The following BLTP1 variants were observed in gnomAD, a reference collection of about 807,000 sequenced individuals.
BLTP1 encodes the protein bridge-like lipid transfer protein family member 1.
chr4:122,234,712 T>C, the BLTP1 span: 1 of 1,521,670 alleles, frequency 6.6e-7, no homozygotes, highest in Middle Eastern at 1.8e-4. Flanking sequence ...CAAAAAGTTT[T>C]TCATTTCTTA....
the BLTP1 span, chr4:122,289,141 G>T: frequency 6.2e-7 from 1 of 1,610,634 alleles, no homozygotes; most frequent in African/African-American, 1.3e-5. Context: ...CTTGGTATTT[G>T]TACAGAAAGT....
At chr4:122,341,055 G>C in the BLTP1 span, among the ~76,000 whole-genome samples, 1 of 151,972 alleles carries the variant, frequency 6.6e-6, no homozygotes. Flanking sequence ...ATGGCTATAA[G>C]ATATTCCATT....
the BLTP1 span, chr4:122,359,846 C>G: frequency 7.2e-7 from 1 of 1,398,016 alleles, no homozygotes; most frequent in Non-Finnish European, 9.2e-7. Flanking sequence ...CCTGTAATGT[C>G]TATAGCTTCT....
chr4:122,252,831 C>T, the BLTP1 span, among the ~76,000 whole-genome samples: 1 of 152,194 alleles, frequency 6.6e-6, no homozygotes, highest in Non-Finnish European at 1.5e-5. Flanking sequence ...GTAGTGGTTA[C>T]AGGGGGCCCT....
At chr4:122,190,262 A>G in the BLTP1 span, 12 of 569,754 alleles carry the variant, frequency 2.1e-5, no homozygotes, top group Non-Finnish European at 2.4e-5. Flanking sequence ...ATGCCTGACT[A>G]ATTTTTAAAG....
At chr4:122,262,220 A>C in the BLTP1 span, among the ~76,000 whole-genome samples, 3 of 145,258 alleles carry the variant, frequency 2.1e-5, no homozygotes, top group Non-Finnish European at 3.0e-5. Context: ...ATTTTGTGTA[A>C]GGGATATTGT....
chr4:122,237,853 C>T, the BLTP1 span, among the ~76,000 whole-genome samples: 4 of 151,514 alleles, frequency 2.6e-5, no homozygotes, highest in South Asian at 2.1e-4. Context: ...TGTGGTGGTG[C>T]GTGCCTGTAG....
At chr4:122,196,396 G>A in the BLTP1 span, among the ~76,000 whole-genome samples, 251 of 152,216 alleles carry the variant, frequency 1.6e-3, 2 homozygotes, top group Middle Eastern at 6.8e-3. Context: ...AGAGTCTTTA[G>A]TTTGTCGTAG....
chr4:122,313,843 C>T, the BLTP1 span, among the ~76,000 whole-genome samples: 1 of 148,586 alleles, frequency 6.7e-6, no homozygotes, highest in Admixed American at 6.7e-5. Context: ...AATTATTAAT[C>T]AGACACCTAC....
the BLTP1 span, among the ~76,000 whole-genome samples, chr4:122,166,931 G>T: frequency 1.3e-5 from 2 of 152,082 alleles, no homozygotes; most frequent in African/African-American, 2.4e-5. Flanking sequence ...TCTTTAAGCT[G>T]GCTTCTGTGT....
At chr4:122,242,952 T>G in the BLTP1 span, 1 of 1,145,936 alleles carries the variant, frequency 8.7e-7, no homozygotes, top group South Asian at 1.3e-5. Flanking sequence ...ATCATAAAAT[T>G]AGGGAAATAT....
the BLTP1 span, chr4:122,279,740 G>T: frequency 6.3e-7 from 1 of 1,581,262 alleles, no homozygotes. Flanking sequence ...TTGGCTGTTG[G>T]CTGTATTTTA....
At chr4:122,302,321 G>A in the BLTP1 span, 3 of 850,334 alleles carry the variant, frequency 3.5e-6, no homozygotes, top group South Asian at 1.1e-4. Flanking sequence ...ATTGCACTTC[G>A]CTTTATTGTG....
the BLTP1 span, chr4:122,204,923 G>C: frequency 2.0e-6 from 1 of 497,132 alleles, no homozygotes; most frequent in Non-Finnish European, 2.6e-6. Context: ...GGAATTTTCT[G>C]TTGTCTATTA....
At chr4:122,265,972 G>A in the BLTP1 span, among the ~76,000 whole-genome samples, 1 of 152,304 alleles carries the variant, frequency 6.6e-6, no homozygotes, top group Admixed American at 6.5e-5. Context: ...GGGATTACAG[G>A]CATGAGCCAC....
chr4:122,325,817 T>G, the BLTP1 span: 118 of 411,770 alleles, frequency 2.9e-4, no homozygotes, highest in Non-Finnish European at 3.7e-4. Flanking sequence ...TTTTCATGAG[T>G]TTTTTTTTTT....
chr4:122,333,201 G>A, the BLTP1 span, among the ~76,000 whole-genome samples: 5 of 21,236 alleles, frequency 2.4e-4, no homozygotes, highest in African/African-American at 3.7e-4. Context: ...CTGAGGAATC[G>A]CCACACTGAC....
At chr4:122,203,725 T>C in the BLTP1 span, 2 of 244,078 alleles carry the variant, frequency 8.2e-6, no homozygotes, top group South Asian at 3.1e-4. Flanking sequence ...AAAGATGTTA[T>C]AGAAACTGGT....
the BLTP1 span, among the ~76,000 whole-genome samples, chr4:122,166,416 C>T: frequency 1.3e-5 from 2 of 152,136 alleles, no homozygotes; most frequent in Non-Finnish European, 2.9e-5. Context: ...GGGCTCTGTT[C>T]CGTTCCATTG....
Sources: allele counts gnomAD v4.1 joint callset (sites outside exome capture counted in the v4.1 genomes callset), GRCh38; gene constraint gnomAD v4.1.1; transcripts MANE v1.5; gene names NCBI Gene and HGNC (gene_info 2026-07-23, HGNC 2026-07-21).